NAV3: variants seen among roughly 807,000 people sequenced by gnomAD.
NAV3 encodes the protein neuron navigator 3.
In NAV3, 87 loss-of-function variants were observed where a neutral mutation model predicts 244.7. That is an observed-to-expected ratio of 0.36 (90% confidence interval 0.30 to 0.42). The LOEUF (loss-of-function observed/expected upper bound fraction) is 0.42. NAV3 is among the 20% of genes least tolerant of loss of function. The probability of loss-of-function intolerance (pLI) is 1.00; values close to 1 mark genes in which losing one functional copy is unlikely to be tolerated. For missense variants in NAV3, 2,663 were observed against 2,893.3 expected (o/e 0.92, Z 1.83); for synonymous variants, 1,126 against 1,042.2 (o/e 1.08, Z -1.55).
intron 2 of NAV3, among the ~76,000 whole-genome samples, chr12:77,575,890 T>C (rs1462192923): frequency 6.6e-6 from 1 of 152,148 alleles, no homozygotes; most frequent in Non-Finnish European, 1.5e-5. Flanking sequence ...CAAAAAGTAT[T>C]TGGTGATCTG....
At chr12:77,584,993 C>A (rs1417407898) in intron 2 of NAV3, among the ~76,000 whole-genome samples, 1 of 152,138 alleles carries the variant, frequency 6.6e-6, no homozygotes, top group Non-Finnish European at 1.5e-5. Context: ...GATGATACAA[C>A]TGAAAGTAGG....
chr12:77,689,760 T>C (rs1163672295), intron 2 of NAV3, among the ~76,000 whole-genome samples: 1 of 151,864 alleles, frequency 6.6e-6, no homozygotes, highest in Admixed American at 6.6e-5. Context: ...GTATTTTTAT[T>C]TAAGGCAATA....
intron 2 of NAV3, among the ~76,000 whole-genome samples, chr12:77,573,482 G>A (rs1159480258): frequency 6.6e-6 from 1 of 152,074 alleles, no homozygotes; most frequent in South Asian, 2.1e-4. Context: ...ATCAATTTTT[G>A]CTTTAATGTG....
At chr12:77,588,023 A>G (rs1416775152) in intron 2 of NAV3, among the ~76,000 whole-genome samples, 1 of 152,190 alleles carries the variant, frequency 6.6e-6, no homozygotes, top group Admixed American at 6.5e-5. Flanking sequence ...AACATCTTAC[A>G]ATTTCCATAT....
intron 2 of NAV3, among the ~76,000 whole-genome samples, chr12:77,807,250 G>T (rs1421183558): frequency 6.6e-6 from 1 of 152,152 alleles, no homozygotes; most frequent in East Asian, 1.9e-4. Flanking sequence ...CCAATTAGTT[G>T]ATGCAGTTTC....
At chr12:78,017,958 G>A (rs567806580) in intron 8 of NAV3, among the ~76,000 whole-genome samples, 20 of 152,200 alleles carry the variant, frequency 1.3e-4, no homozygotes, top group African/African-American at 3.6e-4. Flanking sequence ...CTAGAGAAAC[G>A]GATGGCTTGT....
chr12:77,770,965 C>T (rs12366453), intron 2 of NAV3, among the ~76,000 whole-genome samples: 2 of 151,624 alleles, frequency 1.3e-5, no homozygotes, highest in African/African-American at 4.8e-5. Context: ...CTACCATCAG[C>T]GTGAACAGGC....
At chr12:77,961,509 A>G (rs1281572119) in intron 3 of NAV3, among the ~76,000 whole-genome samples, 2 of 143,504 alleles carry the variant, frequency 1.4e-5, no homozygotes, top group African/African-American at 2.5e-5. Context: ...TAATATATTA[A>G]ATATATAATA....
At chr12:77,609,708 G>A (rs755024232) in intron 2 of NAV3, among the ~76,000 whole-genome samples, 1 of 150,606 alleles carries the variant, frequency 6.6e-6, no homozygotes, top group Non-Finnish European at 1.5e-5. Context: ...GTTTATGCCA[G>A]TATCTTTCCC....
intron 12 of NAV3, among the ~76,000 whole-genome samples, chr12:78,087,197 A>G (rs1953682010): frequency 6.6e-6 from 1 of 152,016 alleles, no homozygotes. Flanking sequence ...AAGTGGTTCC[A>G]TTGATCTCAC....
intron 2 of NAV3, among the ~76,000 whole-genome samples, chr12:77,756,095 A>G (rs1305356098): frequency 6.6e-6 from 1 of 152,192 alleles, no homozygotes. Context: ...TTAAAAAATA[A>G]AGATAATAAA....
chr12:77,928,420 A>G (rs1229803061), intron 1 of NAV3, among the ~76,000 whole-genome samples: 1 of 152,040 alleles, frequency 6.6e-6, no homozygotes, highest in Non-Finnish European at 1.5e-5. Flanking sequence ...GAGATGGAGG[A>G]AAGATGAGGC....
At chr12:77,819,280 G>A (rs949026241) in intron 2 of NAV3, among the ~76,000 whole-genome samples, 7 of 151,594 alleles carry the variant, frequency 4.6e-5, no homozygotes, top group Non-Finnish European at 8.8e-5. Context: ...TTTTCTTCAC[G>A]TCTCAACTGA....
intron 23 of NAV3, among the ~76,000 whole-genome samples, chr12:78,166,426 T>A (rs1478925325): frequency 8.4e-6 from 1 of 118,470 alleles, no homozygotes; most frequent in African/African-American, 2.7e-5. Context: ...GCTATCTTTT[T>A]AATCAAAGAC....
chr12:78,008,746 C>A (rs1170299130), intron 8 of NAV3, among the ~76,000 whole-genome samples: 1 of 151,890 alleles, frequency 6.6e-6, no homozygotes, highest in Non-Finnish European at 1.5e-5. Flanking sequence ...TACATTTAAG[C>A]TCTTGGGACA....
chr12:77,632,492 T>A (rs1871957499), intron 2 of NAV3, among the ~76,000 whole-genome samples: 1 of 152,086 alleles, frequency 6.6e-6, no homozygotes, highest in Non-Finnish European at 1.5e-5. Context: ...AACCATCAGA[T>A]CTAGTGAGAC....
At chr12:78,210,139 G>C (rs575201907) in intron 39 of NAV3, among the ~76,000 whole-genome samples, 2 of 152,138 alleles carry the variant, frequency 1.3e-5, no homozygotes, top group Admixed American at 6.6e-5. Flanking sequence ...CAGTCTCCCT[G>C]CTGGAGCAGT....
chr12:78,139,863 G>T (rs1027534356), intron 19 of NAV3, among the ~76,000 whole-genome samples: 1 of 151,980 alleles, frequency 6.6e-6, no homozygotes, highest in African/African-American at 2.4e-5. Flanking sequence ...AAATTATATG[G>T]AGAAAAAAAT....
rs12300202 is a variant in NAV3 at position 77,772,194 on chromosome 12, C to T, written c.73-168125C>T. On this transcript the variant is annotated intron_variant, in intron 2 of 8. Transcript: ENST00000550042. ...AGGTAACAGTGCTAATGAGGGACAA[C>T]GCTAGTATTCAAACTTAGACCTGGC... Among the ~76,000 whole-genome samples, 14 of 152,154 alleles carry T rather than the reference C, an allele frequency of 9.2e-5. 1 individual carries two copies. Among genetic ancestry groups the T allele is most frequent in the South Asian group, 4.1e-4 (2 of 4,826 alleles).
Sources: allele counts gnomAD v4.1 joint callset (sites outside exome capture counted in the v4.1 genomes callset), GRCh38; gene constraint gnomAD v4.1.1; transcripts MANE v1.5; gene names NCBI Gene and HGNC (gene_info 2026-07-23, HGNC 2026-07-21).